The following LRRC46 variants were observed in gnomAD, a reference collection of about 807,000 sequenced individuals.
The protein encoded by LRRC46 is leucine-rich repeat-containing protein 46.
A neutral mutation model predicts 28.0 loss-of-function variants in LRRC46; 20 were observed. The ratio of observed to expected loss-of-function variants is 0.71; its 90% CI spans 0.50 to 1.04. LRRC46 has a LOEUF of 1.04. Among genes scored for constraint, LRRC46 ranks in the 50% least tolerant of loss-of-function variants. The probability of loss-of-function intolerance (pLI) is 0.00; values close to 1 mark genes in which losing one functional copy is unlikely to be tolerated. For synonymous variants in LRRC46, 156 were observed against 158.8 expected, an observed-to-expected ratio of 0.98 and a Z score of 0.13; for missense variants, 315 against 390.1, an observed-to-expected ratio of 0.81 and a Z score of 1.62.
chr17:47,836,144 T>C lies in LRRC46; in HGVS notation c.452+42T>C. On this transcript the variant is annotated intron_variant, in intron 6 of 7. Coordinates refer to ENST00000269025, the MANE Select transcript of LRRC46 (RefSeq NM_033413.4). The surrounding 1 kb of genome is among the most constrained non-coding windows in gnomAD (Gnocchi z 5.8). The stretch of plus-strand genomic sequence containing the variant: ...GGGAAGAAAGGTCATGGCTGAGCTC[T>C]ACCTGCTAACTCAGCCCAGACCCCT... 1 of 1,604,704 alleles carries C rather than the reference T, an allele frequency of 6.2e-7. No individual in the cohort carries two copies. The highest frequency in any genetic ancestry group is 8.5e-7 in the Non-Finnish European group (1 of 1,171,496).
intron 2 of LRRC46, among the ~76,000 whole-genome samples, chr17:47,832,580 C>A (rs1242279084): frequency 6.6e-6 from 1 of 152,174 alleles, no homozygotes; most frequent in Non-Finnish European, 1.5e-5. Flanking sequence ...TCCTAGGTGG[C>A]TGAGACAGGA....
Position 47,837,566 on chromosome 17 carries a change from C to G in LRRC46, c.*446C>G, listed in dbSNP as rs2143614993. 2.1e-6 allele frequency: 1 copy of G among 482,288 alleles called. No individual in the cohort carries two copies. The highest frequency in any genetic ancestry group is 4.0e-5 in the East Asian group (1 of 24,716). 29.9% of individuals were successfully genotyped at this position (482,288 alleles called of 1,614,324 possible). On this transcript the variant is annotated 3_prime_UTR_variant, in exon 8 of 8. Transcript: ENST00000269025. ...TCCCCTCCCTGTCCTCCTGCCCAGT[C>G]CCCATCACTCACCCACTCATAGGAA...
At position 47,836,372 on chromosome 17, in the gene LRRC46, G is replaced by A; in HGVS notation, c.492G>A (p.Leu164=). The A allele has an allele frequency of 1.2e-6, 2 of 1,614,114 alleles. 1 individual carries two copies. The highest frequency in any genetic ancestry group is 2.2e-5 in the South Asian group (2 of 91,076). ...VTEALPLLLD[L]DGQPVVERWI... ...AAGCCCTGCCACTTCTCCTGGACCTGGACGGGCAGCCTGTGGTGGAGCGCT... is the reference window on the plus strand; with the variant it reads ...AAGCCCTGCCACTTCTCCTGGACCTAGACGGGCAGCCTGTGGTGGAGCGCT... Residue 164 remains leucine (L), a synonymous_variant, in exon 7 of 8, where the codon CTG becomes CTA. Transcript: ENST00000269025. The surrounding 1 kb of genome is among the most constrained non-coding windows in gnomAD (Gnocchi z 5.8).
chr17:47,835,205 G>T, intron 3 of LRRC46, 148 bp from the exon 4 acceptor site: 1 of 831,004 alleles, frequency 1.2e-6, no homozygotes. Context: ...TAAGGTAGTG[G>T]CAACCTGTTC....
In LRRC46 at chr17:47,836,214, C is replaced by A. The variant is rs549661113; in HGVS notation, c.452+112C>A. On this transcript the variant is annotated intron_variant, in intron 6 of 7. Transcript: ENST00000269025. The surrounding 1 kb of genome is among the most constrained non-coding windows in gnomAD (Gnocchi z 5.8). ...GTCCTGTCCATGACACCTTCTCCCC[C>A]ACCTCCTACCTAGCTCATGAGCCAC... 14 of 1,570,252 alleles carry A rather than the reference C, an allele frequency of 8.9e-6. No individual in the cohort carries two copies. Among genetic ancestry groups the A allele is most frequent in the Non-Finnish European group, 1.1e-5 (13 of 1,144,210 alleles).
intron 3 of LRRC46, chr17:47,834,895 G>T (rs2033676422): frequency 1.8e-5 from 4 of 227,668 alleles, no homozygotes; most frequent in Non-Finnish European, 3.5e-5. Context: ...CTTGAAGGCT[G>T]TTTGGTGGTG....
At position 47,836,878 on chromosome 17, in the gene LRRC46, G is replaced by A. The variant is rs146740911; in HGVS notation, c.724G>A (p.Val242Met). Reference protein sequence around the residue: ...TLTDLPLLPGVPMAGDSSPSA... With the variant: ...TLTDLPLLPGMPMAGDSSPSA... ...CACCGACCTGCCCCTGCTACCTGGG[G>A]TGCCCATGGCTGGGGACAGCAGCCC... Residue 242 changes from valine to methionine, a missense_variant, in exon 8 of 8, where the codon GTG (valine) becomes ATG (methionine). By Grantham distance (21) the Val-to-Met change is conservative. Transcript: ENST00000269025. The surrounding 1 kb of genome is among the most constrained non-coding windows in gnomAD (Gnocchi z 5.8). The A allele has an allele frequency of 1.1e-3, 1,734 of 1,613,836 alleles. 12 individuals are homozygous for A. The South Asian group carries it at 0.011, about 10-fold the overall frequency.
At position 47,836,100 on chromosome 17, in the gene LRRC46, C is replaced by A; in HGVS notation, c.450C>A (p.Tyr150Ter). Residue 150 changes from tyrosine to a stop codon, truncating the protein, a stop_gained and splice_region_variant, in exon 6 of 8, where the codon TAC becomes TAA. Coordinates refer to ENST00000269025, the MANE Select transcript of LRRC46 (RefSeq NM_033413.4). LOFTEE classifies it high-confidence loss of function. This position sits in a 1 kb window ranked among gnomAD's most constrained non-coding sequence, Gnocchi z 5.8. ...SGNSCTNQDG[Y>*]RELVTEALPL... ...ACAGCTGCACCAACCAGGATGGCTA[C>A]CGGTAAGGAGTGGAGGGTGGGAAGA... is the stretch of plus-strand genomic sequence containing the variant. 6.2e-7 allele frequency: 1 copy of A among 1,614,148 alleles called. No individual in the cohort carries two copies. Among genetic ancestry groups the A allele is most frequent in the Non-Finnish European group, 8.5e-7 (1 of 1,179,992 alleles).
rs1327297617 is a variant in LRRC46 at position 47,832,014 on chromosome 17, G to A, written c.10+15G>A. ...CATGTCTGGAGGTGAGTAGGGAGGT[G>A]GGACGGTGGGTAGAGCAGTTGGAAA... On this transcript the variant is annotated intron_variant, in intron 1 of 7. Coordinates refer to ENST00000269025, the MANE Select transcript of LRRC46 (RefSeq NM_033413.4). The A allele has an allele frequency of 6.2e-7, 1 of 1,613,756 alleles. No individual in the cohort carries two copies. Among genetic ancestry groups the A allele is most frequent in the Non-Finnish European group, 8.5e-7 (1 of 1,180,002 alleles).
Position 47,832,161 on chromosome 17 carries a change from G to C in LRRC46, c.72G>C (p.Lys24Asn), listed in dbSNP as rs1189879713. The part of the protein sequence containing the change: ...GVCITEALIT[K>N]RNLTFPEDGE... Reference sequence around the variant, plus strand: ...GCATCACTGAAGCCCTTATCACTAAGCGGAACTTGACTTTCCCTGAAGATG... The same window carrying C: ...GCATCACTGAAGCCCTTATCACTAACCGGAACTTGACTTTCCCTGAAGATG... Residue 24 changes from lysine to asparagine, a missense_variant, in exon 2 of 8, where the codon AAG (lysine) becomes AAC (asparagine). Transcript: ENST00000269025. 12 of 1,604,778 alleles carry C rather than the reference G, an allele frequency of 7.5e-6. No individual in the cohort carries two copies. The Admixed American group carries it at 1.0e-4, about 14-fold the overall frequency.
At position 47,835,648 on chromosome 17, in the gene LRRC46, C is replaced by A. The variant is rs1165299063; in HGVS notation, c.273-18C>A. ...CCATGATTCAGCTCTGCCTCTGTACCCCTTCCTTCCCCTACAGCTTCCTGT... is the reference window on the plus strand; with the variant it reads ...CCATGATTCAGCTCTGCCTCTGTACACCTTCCTTCCCCTACAGCTTCCTGT... On this transcript the variant is annotated intron_variant, in intron 4 of 7. Coordinates refer to ENST00000269025, the MANE Select transcript of LRRC46 (RefSeq NM_033413.4). 31 of 1,607,742 alleles carry A rather than the reference C, an allele frequency of 1.9e-5. No homozygotes were observed. Among genetic ancestry groups the A allele is most frequent in the Non-Finnish European group, 2.6e-5 (31 of 1,174,312 alleles).
Position 47,836,969 on chromosome 17 carries a change from C to A in LRRC46, c.815C>A (p.Ser272Tyr). 6.2e-7 allele frequency: 1 copy of A among 1,613,728 alleles called. No individual in the cohort carries two copies. Reference sequence around the variant, plus strand: ...GCCGTCTCCTCACCCCAGGCCTCCTCTCCCACCAAGAAACCATGCAGTCTG... The same window carrying A: ...GCCGTCTCCTCACCCCAGGCCTCCTATCCCACCAAGAAACCATGCAGTCTG... Reference protein sequence around the residue: ...PEAVSSPQASSPTKKPCSLIP... With the variant: ...PEAVSSPQASYPTKKPCSLIP... The change falls in exon 8 of 8, where the codon TCT becomes TAT. Residue 272 changes from serine to tyrosine, a missense_variant. Physicochemically the swap from Ser to Tyr is moderately radical, Grantham distance 144. Transcript: ENST00000269025. The surrounding 1 kb of genome is among the most constrained non-coding windows in gnomAD (Gnocchi z 5.8).
Position 47,831,887 on chromosome 17 carries a change from C to G in LRRC46, c.-103C>G, listed in dbSNP as rs1342306484. ...CCTCCTCTCCTAAGTCTCTGAGTTT[C>G]TCTCTCCTCCTGCCATCCTGAGTTC... On this transcript the variant is annotated 5_prime_UTR_variant, in exon 1 of 8. Transcript: ENST00000269025. 1 of 1,492,952 alleles carries G rather than the reference C, an allele frequency of 6.7e-7. No individual in the cohort carries two copies. Among genetic ancestry groups the G allele is most frequent in the Non-Finnish European group, 9.3e-7 (1 of 1,078,448 alleles). The allele number at this position is 1,492,952 out of a possible 1,614,324, so 92.5% of individuals were successfully genotyped here.
Position 47,835,648 on chromosome 17 carries a change from C to T in LRRC46, c.273-18C>T. 1 of 1,607,860 alleles carries T rather than the reference C, an allele frequency of 6.2e-7. No homozygotes were observed. The highest frequency in any genetic ancestry group is 1.1e-5 in the South Asian group (1 of 90,940). On this transcript the variant is annotated intron_variant, in intron 4 of 7. Transcript: ENST00000269025. Reference sequence around the variant, plus strand: ...CCATGATTCAGCTCTGCCTCTGTACCCCTTCCTTCCCCTACAGCTTCCTGT... The same window carrying T: ...CCATGATTCAGCTCTGCCTCTGTACTCCTTCCTTCCCCTACAGCTTCCTGT...
rs1354435542 is a variant in LRRC46 at position 47,835,547 on chromosome 17, T to C, written c.273-119T>C. 3.0e-6 allele frequency: 4 copies of C among 1,348,280 alleles called. No homozygotes were observed. The African/African-American group carries it at 5.8e-5, about 19-fold the overall frequency. 83.5% of individuals were successfully genotyped at this position (1,348,280 alleles called of 1,614,324 possible). A position where few individuals can be genotyped will look rare whatever the true frequency, so the allele number is the denominator to read the frequency against. On this transcript the variant is annotated intron_variant, in intron 4 of 7. Coordinates refer to ENST00000269025, the MANE Select transcript of LRRC46 (RefSeq NM_033413.4). ...TCTACTCCCTCACCCCAGAAGGCCA[T>C]GTGTCCCCACTGGTCATCAGCTGCC...
intron 3 of LRRC46, 149 bp downstream of exon 3, chr17:47,834,682 G>A: frequency 1.7e-6 from 1 of 582,490 alleles, no homozygotes; most frequent in Non-Finnish European, 3.1e-6. Context: ...GAATGACATA[G>A]GGTCCTGAAT....
intron 3 of LRRC46, 33 bp from the exon 4 acceptor site, chr17:47,835,320 G>A: frequency 6.2e-7 from 1 of 1,613,482 alleles, no homozygotes; most frequent in Admixed American, 1.7e-5. Flanking sequence ...TCTGATCTCA[G>A]CTTGGTTTCC....
Position 47,837,530 on chromosome 17 carries a change from G to A in LRRC46, c.*410G>A, listed in dbSNP as rs377018551. 5.2e-5 allele frequency: 22 copies of A among 420,578 alleles called. 1 individual carries two copies. The highest frequency in any genetic ancestry group is 2.0e-4 in the East Asian group (4 of 19,712). The allele number at this position is 420,578 out of a possible 1,614,324, so 26.1% of individuals were successfully genotyped here. A position where few individuals can be genotyped will look rare whatever the true frequency, so the allele number is the denominator to read the frequency against. On this transcript the variant is annotated 3_prime_UTR_variant, in exon 8 of 8. Transcript: ENST00000269025. Reference sequence around the variant, plus strand: ...GTGGTCCTAGTCATCCCCAACAGCAGCCAGCTCCTGTCCCCTCCCTGTCCT... The same window carrying A: ...GTGGTCCTAGTCATCCCCAACAGCAACCAGCTCCTGTCCCCTCCCTGTCCT...
Position 47,836,377 on chromosome 17 carries a change from G to C in LRRC46, c.497G>C (p.Gly166Ala). Residue 166 changes from glycine to alanine, a missense_variant, in exon 7 of 8, where the codon GGG becomes GCG. Physicochemically the swap from Gly to Ala is moderately conservative, Grantham distance 60 (BLOSUM62 0). Coordinates refer to ENST00000269025, the MANE Select transcript of LRRC46 (RefSeq NM_033413.4). This position sits in a 1 kb window ranked among gnomAD's most constrained non-coding sequence, Gnocchi z 5.8. ...EALPLLLDLD[G>A]QPVVERWISD... ...CTGCCACTTCTCCTGGACCTGGACG[G>C]GCAGCCTGTGGTGGAGCGCTGGATT... The C allele has an allele frequency of 6.2e-7, 1 of 1,614,124 alleles. No individual in the cohort carries two copies. Among genetic ancestry groups the C allele is most frequent in the Non-Finnish European group, 8.5e-7 (1 of 1,180,028 alleles).
Sources: gnomAD v4.1 joint callset for allele counts (sites outside exome capture counted in the v4.1 genomes callset) on GRCh38, gnomAD v4.1.1 for gene constraint, Gnocchi (gnomAD v3.1) non-coding constraint, MANE v1.5 for transcripts, NCBI Gene and HGNC (gene_info 2026-07-23, HGNC 2026-07-21) for gene names.